NOL4: variants seen among roughly 807,000 people sequenced by gnomAD.
NOL4 encodes the protein cancer/testis antigen 125.
A neutral mutation model predicts 75.9 loss-of-function variants in NOL4; 17 were observed. The observed-to-expected ratio is 0.22, with a 90% CI of 0.15 to 0.34. The LOEUF (loss-of-function observed/expected upper bound fraction) is 0.34. Among genes scored for constraint, NOL4 ranks in the 10% least tolerant of loss-of-function variants. NOL4 has a pLI of 1.00. For missense variants in NOL4, 614 were observed against 793.5 expected, an observed-to-expected ratio of 0.77 and a Z score of 2.72; for synonymous variants, 292 against 289.9, an observed-to-expected ratio of 1.01 and a Z score of -0.07.
chr18:34,052,320 TG>T (rs1184928887), intron 5 of NOL4, among the ~76,000 whole-genome samples: 2 of 152,160 alleles, frequency 1.3e-5, no homozygotes, highest in East Asian at 3.9e-4. Context: ...GCCCTTACTT[TG>T]ACACCATTGT....
At chr18:34,115,755 C>G (rs1451530417) in intron 2 of NOL4, among the ~76,000 whole-genome samples, 3 of 152,088 alleles carry the variant, frequency 2.0e-5, no homozygotes, top group African/African-American at 7.2e-5. Context: ...GAGAGCTGTT[C>G]TCTTTACTTT....
chr18:33,957,699 T>TA (rs1212732221), intron 7 of NOL4, among the ~76,000 whole-genome samples, 182 bp from the exon 8 acceptor site: 1 of 151,886 alleles, frequency 6.6e-6, no homozygotes, highest in Non-Finnish European at 1.5e-5. Flanking sequence ...ATGGTTGGAT[T>TA]AAAAAATAGA....
chr18:33,862,097 G>A (rs1168800466), intron 10 of NOL4, among the ~76,000 whole-genome samples: 3 of 152,058 alleles, frequency 2.0e-5, no homozygotes, highest in Non-Finnish European at 4.4e-5. Flanking sequence ...ACAGAACAGA[G>A]CCCTCAGAAA....
intron 1 of NOL4, among the ~76,000 whole-genome samples, chr18:34,173,665 T>C (rs1224846716): frequency 2.0e-5 from 3 of 152,194 alleles, no homozygotes; most frequent in Non-Finnish European, 4.4e-5. Flanking sequence ...TTAAAGTATC[T>C]GTTTAAGTGG....
chr18:33,879,917 C>A (rs1216653505), intron 10 of NOL4, among the ~76,000 whole-genome samples: 3 of 151,956 alleles, frequency 2.0e-5, no homozygotes, highest in African/African-American at 7.2e-5. Context: ...AATGTACATT[C>A]ATTTTTTCTA....
intron 9 of NOL4, among the ~76,000 whole-genome samples, chr18:33,901,255 C>T (rs529070750): frequency 3.2e-4 from 49 of 152,048 alleles, no homozygotes; most frequent in African/African-American, 1.0e-3. Context: ...ACAAATAAGA[C>T]GAATACAAGA....
At chr18:34,008,031 A>T (rs1351372551) in intron 6 of NOL4, among the ~76,000 whole-genome samples, 1 of 152,012 alleles carries the variant, frequency 6.6e-6, no homozygotes, top group African/African-American at 2.4e-5. Context: ...AAACTGGTCA[A>T]AGAAGAATAT....
chr18:33,968,051 A>T (rs1444770134), intron 6 of NOL4, among the ~76,000 whole-genome samples: 1 of 152,112 alleles, frequency 6.6e-6, no homozygotes, highest in East Asian at 1.9e-4. Flanking sequence ...GTGCCACTGC[A>T]CTCCATCCTG....
At chr18:34,154,650 GTGTT>G (rs1287433512) in intron 1 of NOL4, among the ~76,000 whole-genome samples, 1 of 151,422 alleles carries the variant, frequency 6.6e-6, no homozygotes, top group Admixed American at 6.6e-5. Flanking sequence ...GGTTTCATTC[GTGTT>G]TTTTTTGTGC....
chr18:33,921,515 A>G (rs182309423), intron 9 of NOL4, among the ~76,000 whole-genome samples: 1 of 152,324 alleles, frequency 6.6e-6, no homozygotes, highest in East Asian at 1.9e-4. Context: ...ATGAGGCAAT[A>G]CTGAATTAGG....
chr18:34,037,635 A>G (rs917904042), intron 5 of NOL4, among the ~76,000 whole-genome samples: 3 of 152,130 alleles, frequency 2.0e-5, no homozygotes, highest in Non-Finnish European at 4.4e-5. Context: ...CTAATTTGAC[A>G]AAGATACAAA....
At position 34,093,562 on chromosome 18, in the gene NOL4, C is replaced by G; in HGVS notation, c.675G>C (p.Met225Ile). 2 of 1,599,114 alleles carry G rather than the reference C, an allele frequency of 1.3e-6. No homozygotes were observed. The highest frequency in any genetic ancestry group is 1.7e-6 in the Non-Finnish European group (2 of 1,170,870). ...CAGCTGACATCCGTGTTGAATCACT[C>G]ATGTCAAATTCATCACTTTCTATTG... ...ESSIESDEFD[M>I]SDSTRMSAVN... The change falls in exon 5 of 11, where the codon ATG becomes ATC. Residue 225 changes from methionine (M) to isoleucine (I), a missense_variant. By Grantham distance (10) the Met-to-Ile change is conservative. Coordinates refer to ENST00000261592, the MANE Select transcript of NOL4 (RefSeq NM_003787.5).
intron 1 of NOL4, among the ~76,000 whole-genome samples, chr18:34,135,895 T>C (rs1005841709): frequency 1.3e-5 from 2 of 151,804 alleles, no homozygotes; most frequent in Admixed American, 6.6e-5. Context: ...AAAAAAGATA[T>C]ACAAAACAAT....
intron 6 of NOL4, among the ~76,000 whole-genome samples, chr18:33,960,601 C>T (rs2070033059): frequency 6.6e-6 from 1 of 152,102 alleles, no homozygotes; most frequent in Non-Finnish European, 1.5e-5. Flanking sequence ...GAGCAATTTT[C>T]ATTCAACAAA....
At chr18:34,116,732 T>C (rs2079878158) in intron 2 of NOL4, among the ~76,000 whole-genome samples, 1 of 152,186 alleles carries the variant, frequency 6.6e-6, no homozygotes, top group African/African-American at 2.4e-5. Context: ...TGCTCTATTT[T>C]TTCAGACTGT....
At chr18:34,038,110 C>T (rs2144758159) in intron 5 of NOL4, among the ~76,000 whole-genome samples, 1 of 152,122 alleles carries the variant, frequency 6.6e-6, no homozygotes, top group East Asian at 1.9e-4. Context: ...CACAAGAAGA[C>T]ATACAAATGG....
chr18:34,009,473 C>T (rs999336555), intron 6 of NOL4, among the ~76,000 whole-genome samples: 7 of 152,096 alleles, frequency 4.6e-5, no homozygotes, highest in Non-Finnish European at 8.8e-5. Context: ...CAAGATTCAG[C>T]TAAACCCTAA....
rs190642289 is a variant in NOL4 at position 33,882,757 on chromosome 18, G to A, written c.1723+487C>T. Reference sequence around the variant, plus strand: ...TGCTGCTATAAAGACACATGCACACGTATGTTTATTGCGGCACTGTTCACA... The same window carrying A: ...TGCTGCTATAAAGACACATGCACACATATGTTTATTGCGGCACTGTTCACA... On this transcript the variant is annotated intron_variant, in intron 10 of 10. Coordinates refer to ENST00000261592, the MANE Select transcript of NOL4 (RefSeq NM_003787.5). 1.4e-4 allele frequency among the ~76,000 whole-genome samples: 21 copies of A among 152,122 alleles called. No individual in the cohort carries two copies. The East Asian group carries it at 1.5e-3, about 11-fold the overall frequency.
chr18:34,155,866 T>C (rs1361697811), intron 1 of NOL4, among the ~76,000 whole-genome samples: 3 of 152,122 alleles, frequency 2.0e-5, no homozygotes, highest in Admixed American at 1.3e-4. Flanking sequence ...CTTGTCATGA[T>C]TAAAAACTTC....
Sources: allele counts gnomAD v4.1 joint callset (sites outside exome capture counted in the v4.1 genomes callset), GRCh38; gene constraint gnomAD v4.1.1; transcripts MANE v1.5; gene names NCBI Gene and HGNC (gene_info 2026-07-23, HGNC 2026-07-21).